Variants in PAK4 observed in about 807,000 individuals in gnomAD.
PAK4 encodes p21 (RAC1) activated kinase 4.
Under a neutral mutation model 53.5 loss-of-function variants are expected in PAK4, and 49 were observed. The ratio of observed to expected loss-of-function variants is 0.92; its 90% CI spans 0.73 to 1.16. The LOEUF (loss-of-function observed/expected upper bound fraction) is 1.16. PAK4 is among the 50% of genes most tolerant of loss of function. The pLI is 0.00. For missense variants in PAK4, 824 were observed against 850.7 expected, an observed-to-expected ratio of 0.97 and a Z score of 0.39; for synonymous variants, 376 against 375.6, an observed-to-expected ratio of 1.00 and a Z score of -0.01.
chr19:39,177,794 G>A, exon 8 of PAK4: 1 of 1,613,130 alleles, frequency 6.2e-7, no homozygotes, highest in Non-Finnish European at 8.5e-7. Context: ...CACCCCGACT[G>A]AAGAACCTGC....
intron 1 of PAK4, among the ~76,000 whole-genome samples, chr19:39,148,465 G>GTTTTTTTTTTTTTTTTT (rs1568506439): frequency 1.1e-4 from 1 of 9,122 alleles, no homozygotes; most frequent in African/African-American, 4.0e-4. Flanking sequence ...AGTTTCTTCT[G>GTTTTTTTTTTTTTTTTT]CTTTTTTTTT....
chr19:39,169,616 G>A (rs771822018), exon 2 of PAK4: 2 of 1,613,830 alleles, frequency 1.2e-6, no homozygotes, highest in East Asian at 4.5e-5. Context: ...AGCACCGCGT[G>A]CACACGGGCT....
rs151326655 is a variant in PAK4 at position 39,160,917 on chromosome 19, C to T, written c.-22-8615C>T. On this transcript the variant is annotated intron_variant, in intron 1 of 8. Coordinates refer to ENST00000358301, the Ensembl canonical transcript of PAK4. ...TTAGAGTGGAGGCCTTGGCTGGAGCCGGGACCACTGGGGAACAGGAGGCTG... is the reference window on the plus strand; with the variant it reads ...TTAGAGTGGAGGCCTTGGCTGGAGCTGGGACCACTGGGGAACAGGAGGCTG... 3.3e-3 allele frequency among the ~76,000 whole-genome samples: 496 copies of T among 152,322 alleles called. 3 individuals carry two copies. Among genetic ancestry groups the T allele is most frequent in the Middle Eastern group, 0.017 (5 of 294 alleles).
chr19:39,143,379 T>C (rs1161772501), intron 1 of PAK4, among the ~76,000 whole-genome samples: 3 of 144,992 alleles, frequency 2.1e-5, no homozygotes, highest in African/African-American at 7.7e-5. Context: ...TCACCTGAGG[T>C]CAGGAGTTCG....
chr19:39,182,615 T>A (rs2074709261), downstream of PAK4: 1 of 151,332 alleles, frequency 6.6e-6, no homozygotes, highest in African/African-American at 2.4e-5. Context: ...GTCAGGAGTT[T>A]GAGACCAGCC....
intron 1 of PAK4, among the ~76,000 whole-genome samples, chr19:39,130,431 G>A (rs1162069324): frequency 6.6e-6 from 1 of 152,038 alleles, no homozygotes; most frequent in Non-Finnish European, 1.5e-5. Flanking sequence ...GAGTTGAGGA[G>A]GGCTTTCTGG....
At chr19:39,137,567 C>T (rs1003671047) in intron 1 of PAK4, among the ~76,000 whole-genome samples, 2 of 150,912 alleles carry the variant, frequency 1.3e-5, no homozygotes, top group African/African-American at 4.9e-5. Context: ...GTGGTGTTTC[C>T]TCTGTGGTCT....
chr19:39,133,414 A>G (rs956454132), intron 1 of PAK4, among the ~76,000 whole-genome samples: 16 of 152,122 alleles, frequency 1.1e-4, no homozygotes, highest in Admixed American at 3.3e-4. Context: ...CCCTCCCATC[A>G]ACTCCAAGAC....
intron 1 of PAK4, among the ~76,000 whole-genome samples, chr19:39,148,550 G>A (rs778033305): frequency 4.6e-5 from 6 of 129,792 alleles, no homozygotes; most frequent in Non-Finnish European, 7.7e-5. Context: ...TGCCTCCTGG[G>A]TTCAAGTGAT....
chr19:39,134,435 G>A lies in PAK4; in HGVS notation c.-23+8516G>A, dbSNP rs1256405757. Among the ~76,000 whole-genome samples, 9 of 152,212 alleles carry A rather than the reference G, an allele frequency of 5.9e-5. No individual in the cohort carries two copies. In the East Asian group the frequency reaches 1.7e-3, roughly 29 times the overall value. Reference sequence around the variant, plus strand: ...CTTTTCCTGATAGTTTTTACCATGAGGTATGCATCCTTGAATTACAGAATG... The same window carrying A: ...CTTTTCCTGATAGTTTTTACCATGAAGTATGCATCCTTGAATTACAGAATG... On this transcript the variant is annotated intron_variant, in intron 1 of 8. Coordinates refer to ENST00000358301, the Ensembl canonical transcript of PAK4.
chr19:39,177,877 G>C, intron 8 of PAK4, 68 bp downstream of exon 9: 4 of 1,525,664 alleles, frequency 2.6e-6, no homozygotes, highest in Non-Finnish European at 3.6e-6. Flanking sequence ...GTGGAGCATG[G>C]GGTGTGGATG....
At chr19:39,139,257 C>G (rs962996672) in intron 1 of PAK4, among the ~76,000 whole-genome samples, 3 of 148,012 alleles carry the variant, frequency 2.0e-5, no homozygotes, top group African/African-American at 4.9e-5. Context: ...GGTGATCAGC[C>G]GCACGGCCCC....
rs56099436 is a variant in PAK4, at chr19:39,173,117, G to A, written c.404G>A (p.Arg135Gln). The change falls in exon 3 of 9, where the codon CGA (arginine) becomes CAA (glutamine). Residue 135 changes from arginine (R) to glutamine (Q), a missense_variant. This residue lies in a region of PAK4 where 478 missense variants were observed against 435.8 expected (regional missense o/e 1.10). Transcript: ENST00000358301. The surrounding 1 kb of genome is among the most constrained non-coding windows in gnomAD (Gnocchi z 6.9). ...GGGGGCCCAGGGAAGGCAGGCAGCC[G>A]AGGCCGGTTCGCCGGTCACAGCGAG... 0.022 allele frequency: 34,774 copies of A among 1,547,444 alleles called. 436 individuals are homozygous for A. Among genetic ancestry groups the A allele is most frequent in the Non-Finnish European group, 0.025 (28,929 of 1,145,612 alleles).
intron 1 of PAK4, among the ~76,000 whole-genome samples, chr19:39,151,010 T>C (rs538231727): frequency 6.6e-6 from 1 of 152,286 alleles, no homozygotes; most frequent in East Asian, 1.9e-4. Context: ...GTGGACGCCA[T>C]GAACGTGGGA....
intron 1 of PAK4, among the ~76,000 whole-genome samples, chr19:39,137,769 C>A (rs984037987): frequency 6.6e-6 from 1 of 151,520 alleles, no homozygotes; most frequent in Admixed American, 6.6e-5. Flanking sequence ...CGGGTTCAAG[C>A]GATTCTCCTG....
At position 39,178,645 on chromosome 19, in the gene PAK4, G is replaced by C. The variant is rs1600419925; in HGVS notation, c.*66G>C. On this transcript the variant is annotated 3_prime_UTR_variant, in exon 9 of 9. Transcript: ENST00000358301. The surrounding 1 kb of genome is among the most constrained non-coding windows in gnomAD (Gnocchi z 4.4). ...CACCCCCGCCCCACTGAGGCCAGTA[G>C]GGGGCCAGGCCTCCCACTCCTCCCA... The C allele has an allele frequency of 2.1e-6, 3 of 1,425,236 alleles. No individual in the cohort carries two copies. In the East Asian group the frequency reaches 7.4e-5, roughly 35 times the overall value. 88.3% of individuals were successfully genotyped at this position (1,425,236 alleles called of 1,614,324 possible). A position where few individuals can be genotyped will look rare whatever the true frequency, so the allele number is the denominator to read the frequency against.
intron 1 of PAK4, among the ~76,000 whole-genome samples, chr19:39,141,379 G>A (rs1012917788): frequency 3.3e-5 from 5 of 151,094 alleles, no homozygotes; most frequent in African/African-American, 1.2e-4. Flanking sequence ...GCAGTGGTGC[G>A]ATCTTGGCTC....
At position 39,175,056 on chromosome 19, in the gene PAK4, C is replaced by T. The variant is rs748235780; in HGVS notation, c.1224C>T (p.Thr408=). Residue 408 remains threonine (T), a synonymous_variant, in exon 5 of 9, where the codon ACC becomes ACT. Coordinates refer to ENST00000358301, the Ensembl canonical transcript of PAK4. This position sits in a 1 kb window ranked among gnomAD's most constrained non-coding sequence, Gnocchi z 4.7. Reference sequence around the variant, plus strand: ...GAGGCGCCCTCACCGACATCGTCACCCACACCAGGTATTTCTGGGGCCTCA... The same window carrying T: ...GAGGCGCCCTCACCGACATCGTCACTCACACCAGGTATTTCTGGGGCCTCA... 1 of 1,609,976 alleles carries T rather than the reference C, an allele frequency of 6.2e-7. No individual in the cohort carries two copies. Among genetic ancestry groups the T allele is most frequent in the South Asian group, 1.1e-5 (1 of 90,390 alleles).
chr19:39,163,226 A>T (rs1435386125), intron 1 of PAK4, among the ~76,000 whole-genome samples: 1 of 152,082 alleles, frequency 6.6e-6, no homozygotes, highest in African/African-American at 2.4e-5. Flanking sequence ...TGCAGGCTGG[A>T]GGCAGTGAGC....
Sources: allele counts gnomAD v4.1 joint callset (sites outside exome capture counted in the v4.1 genomes callset), GRCh38; gene constraint gnomAD v4.1.1; regional missense constraint gnomAD v4.1.1; non-coding constraint Gnocchi (gnomAD v3.1); transcripts MANE v1.5; gene names NCBI Gene and HGNC (gene_info 2026-07-23, HGNC 2026-07-21).